FYB2: variants seen among roughly 807,000 people sequenced by gnomAD.
FYB2 encodes FYN-binding protein 2.
In FYB2, 103 loss-of-function variants were observed where a neutral mutation model predicts 94.1. The ratio of observed to expected loss-of-function variants is 1.09; its 90% confidence interval spans 0.93 to 1.29. The LOEUF (loss-of-function observed/expected upper bound fraction) is 1.29, where lower values mean the gene tolerates loss of function less well. Ranked by LOEUF, FYB2 falls within the 50% of genes most tolerant of loss-of-function variation. The pLI is 0.00. For synonymous variants in FYB2, 293 were observed against 287.9 expected (o/e 1.02, Z -0.18); for missense variants, 896 against 841.5 (o/e 1.06, Z -0.80).
chr1:56,811,759 AC>A (rs1401172443), intron 1 of FYB2, among the ~76,000 whole-genome samples: 2 of 123,880 alleles, frequency 1.6e-5, no homozygotes, highest in East Asian at 5.1e-4. Context: ...AATGGACCAA[AC>A]AAACAAACAA....
In FYB2 at chr1:56,792,482, C is replaced by T. The variant is rs758317628; in HGVS notation, c.331G>A (p.Ala111Thr). The T allele has an allele frequency of 1.2e-6, 2 of 1,614,112 alleles. No homozygotes were observed. Among genetic ancestry groups the T allele is most frequent in the Non-Finnish European group, 1.7e-6 (2 of 1,179,958 alleles). ...TVCSATSSQKASLLLEVTQSN... is the reference protein window; with the variant it reads ...TVCSATSSQKTSLLLEVTQSN... ...TGAGTCACCTCTAACAGCAGAGAAG[C>T]CTTCTGTGAACTTGTTGCAGAACAT... The change falls in exon 2 of 20, where the codon GCT becomes ACT. Residue 111 changes from alanine (A) to threonine (T), a missense_variant. Transcript: ENST00000343433.
At chr1:56,820,964 A>G (rs908987252), upstream of FYB2, among the ~76,000 whole-genome samples, 18 of 152,140 alleles carry the variant, frequency 1.2e-4, no homozygotes, top group African/African-American at 4.3e-4. Context: ...TCTTGACTTC[A>G]TGACTCTCTG....
At chr1:56,819,098 C>T (rs1235922692) in intron 1 of FYB2, among the ~76,000 whole-genome samples, 184 bp downstream of exon 1, 1 of 141,632 alleles carries the variant, frequency 7.1e-6, no homozygotes, top group Non-Finnish European at 1.6e-5. Context: ...ACTCCTCTTC[C>T]CTCCCACCCG....
At chr1:56,743,918 T>G (rs932764624) in intron 11 of FYB2, 108 bp downstream of exon 11, 1 of 1,202,318 alleles carries the variant, frequency 8.3e-7, no homozygotes, top group Non-Finnish European at 1.2e-6. Context: ...TTCCCACAAA[T>G]TGGCATTATT....
intron 8 of FYB2, among the ~76,000 whole-genome samples, chr1:56,753,026 GCT>G (rs1192427508): frequency 6.6e-6 from 1 of 152,000 alleles, no homozygotes; most frequent in Non-Finnish European, 1.5e-5. Context: ...GCTTTCTGAT[GCT>G]CTCTGAACAC....
At position 56,719,648 on chromosome 1, in the gene FYB2, C is replaced by G; in HGVS notation, c.*23G>C. 1 of 1,594,108 alleles carries G rather than the reference C, an allele frequency of 6.3e-7. No homozygotes were observed. The highest frequency in any genetic ancestry group is 1.1e-5 in the South Asian group (1 of 90,184). On this transcript the variant is annotated 3_prime_UTR_variant, in exon 20 of 20. Coordinates refer to ENST00000343433, the MANE Select transcript of FYB2 (RefSeq NM_001004303.5). The stretch of plus-strand genomic sequence containing the variant: ...AGGACTAGTTCTCCTTTGTGCAGTC[C>G]ATAGCATTTGATCTTGATTTTTCTA...
At chr1:56,765,041 T>C (rs1444055536) in intron 5 of FYB2, among the ~76,000 whole-genome samples, 1 of 152,172 alleles carries the variant, frequency 6.6e-6, no homozygotes. Context: ...GTTTTCAGCA[T>C]TTTAGAGGTA....
Position 56,805,174 on chromosome 1 carries a change from AT to A in FYB2, c.10-12372del, listed in dbSNP as rs559968577. On this transcript the variant is annotated intron_variant, in intron 1 of 19. Coordinates refer to ENST00000343433, the MANE Select transcript of FYB2 (RefSeq NM_001004303.5). ...TTATCTAATTTTGTTGATTAAAGTGATTTACATACGTGTCTGCTTTACCACA... is the reference window on the plus strand; with the variant it reads ...TTATCTAATTTTGTTGATTAAAGTGATTACATACGTGTCTGCTTTACCACA... 3.7e-3 allele frequency among the ~76,000 whole-genome samples: 559 copies of A among 152,184 alleles called. 2 individuals are homozygous for A. Among genetic ancestry groups the A allele is most frequent in the Non-Finnish European group, 6.5e-3 (443 of 68,012 alleles).
intron 1 of FYB2, among the ~76,000 whole-genome samples, chr1:56,809,835 T>A (rs1390170597): frequency 6.6e-6 from 1 of 152,218 alleles, no homozygotes; most frequent in Non-Finnish European, 1.5e-5. Flanking sequence ...ATTCTGACTC[T>A]TTCACCTTTA....
chr1:56,738,611 C>T lies in FYB2; in HGVS notation c.1732+14G>A, dbSNP rs1249390925. On this transcript the variant is annotated intron_variant, in intron 14 of 19. Coordinates refer to ENST00000343433, the MANE Select transcript of FYB2 (RefSeq NM_001004303.5). ...CTGAGTACTTTTGGTCTGCAATAAG[C>T]AAATGGCACTTACCTAAATCAGGCA... 4 of 1,607,562 alleles carry T rather than the reference C, an allele frequency of 2.5e-6. No homozygotes were observed. The highest frequency in any genetic ancestry group is 2.7e-5 in the African/African-American group (2 of 74,638).
chr1:56,726,540 G>C lies in FYB2; in HGVS notation c.1837C>G (p.Pro613Ala). ...CCGTTTTTCTCTTTTTTTTCCTTTG[G>C]TGTCAGAAACTTGGGCTTCCACATT... is the stretch of plus-strand genomic sequence containing the variant. ...LKMWKPKFLT[P>A]KEKKEKNGAE... Residue 613 changes from proline to alanine, a missense_variant, in exon 16 of 20, where the codon CCA (proline) becomes GCA (alanine). Physicochemically the swap from Pro to Ala is conservative, Grantham distance 27. Coordinates refer to ENST00000343433, the MANE Select transcript of FYB2 (RefSeq NM_001004303.5). 6.2e-7 allele frequency: 1 copy of C among 1,610,976 alleles called. No individual in the cohort carries two copies. Among genetic ancestry groups the C allele is most frequent in the Middle Eastern group, 1.7e-4 (1 of 6,042 alleles).
chr1:56,754,067 G>T, intron 7 of FYB2, 132 bp from the exon 8 acceptor site: 1 of 634,354 alleles, frequency 1.6e-6, no homozygotes, highest in Non-Finnish European at 2.8e-6. Flanking sequence ...CTTAGATGAA[G>T]GGACTAGGAT....
At chr1:56,739,343 G>T (rs150182756) in intron 13 of FYB2, among the ~76,000 whole-genome samples, 49 of 151,958 alleles carry the variant, frequency 3.2e-4, no homozygotes, top group African/African-American at 1.1e-3. Context: ...TTGTGCATAG[G>T]GTCTCGCTGA....
intron 1 of FYB2, among the ~76,000 whole-genome samples, chr1:56,800,333 G>A (rs1646490621): frequency 6.6e-6 from 1 of 152,140 alleles, no homozygotes; most frequent in Non-Finnish European, 1.5e-5. Context: ...TATAATAATG[G>A]TGAAACTGTC....
chr1:56,817,508 A>AT (rs1374715485), intron 1 of FYB2, among the ~76,000 whole-genome samples: 6 of 151,894 alleles, frequency 4.0e-5, no homozygotes, highest in Admixed American at 6.6e-5. Flanking sequence ...CCATATATAG[A>AT]TTTTTTTGTC....
intron 4 of FYB2, among the ~76,000 whole-genome samples, chr1:56,768,891 C>A (rs1645688827): frequency 6.6e-6 from 1 of 151,930 alleles, no homozygotes. Flanking sequence ...AAACAAGAGA[C>A]TGAGGGAAAA....
intron 1 of FYB2, among the ~76,000 whole-genome samples, chr1:56,800,918 G>A (rs752164337): frequency 6.6e-6 from 1 of 152,128 alleles, no homozygotes; most frequent in African/African-American, 2.4e-5. Context: ...AGTGGTAGGC[G>A]ATAGTTAGCC....
At chr1:56,773,688 C>A (rs1414509600) in intron 4 of FYB2, among the ~76,000 whole-genome samples, 1 of 152,140 alleles carries the variant, frequency 6.6e-6, no homozygotes, top group Non-Finnish European at 1.5e-5. Context: ...GAAGAGCTTT[C>A]ATTAAGTAGA....
At chr1:56,824,728 C>T in the FYB2 span, 1 of 152,216 alleles carries the variant, frequency 6.6e-6, no homozygotes, top group Non-Finnish European at 1.5e-5. Flanking sequence ...TCCTTTTCTG[C>T]TTTAATGTCT....
Sources: allele counts gnomAD v4.1 joint callset (sites outside exome capture counted in the v4.1 genomes callset), GRCh38; gene constraint gnomAD v4.1.1; transcripts MANE v1.5; gene names NCBI Gene and HGNC (gene_info 2026-07-23, HGNC 2026-07-21).